The following MAGI1 variants were observed in gnomAD, a reference collection of about 807,000 sequenced individuals.
MAGI1 encodes the protein membrane associated guanylate kinase, WW and PDZ domain containing 1, also known as membrane-associated guanylate kinase, WW and PDZ domain-containing protein 1.
Under a neutral mutation model 139.9 loss-of-function variants are expected in MAGI1, and 58 were observed. That is an observed-to-expected ratio of 0.41 (90% CI 0.34 to 0.52). The LOEUF (loss-of-function observed/expected upper bound fraction) is 0.52, where lower values mean the gene tolerates loss of function less well. Among genes scored for constraint, MAGI1 ranks in the 20% least tolerant of loss-of-function variants. The probability of loss-of-function intolerance (pLI) is 0.12; values close to 1 mark genes in which losing one functional copy is unlikely to be tolerated. For synonymous variants in MAGI1, 812 were observed against 737.9 expected, an observed-to-expected ratio of 1.10 and a Z score of -1.63; for missense variants, 1,874 against 1,901.6, an observed-to-expected ratio of 0.99 and a Z score of 0.27.
At chr3:65,385,214 A>C (rs1436274099) in intron 14 of MAGI1, among the ~76,000 whole-genome samples, 1 of 152,206 alleles carries the variant, frequency 6.6e-6, no homozygotes, top group Non-Finnish European at 1.5e-5. Context: ...CTTACTATAC[A>C]TGAAATTGTT....
chr3:65,848,347 G>A (rs1352088788), intron 1 of MAGI1, among the ~76,000 whole-genome samples: 2 of 152,172 alleles, frequency 1.3e-5, no homozygotes, highest in African/African-American at 2.4e-5. Flanking sequence ...CTGGTTCTGA[G>A]CAGGCTTAAT....
intron 2 of MAGI1, among the ~76,000 whole-genome samples, chr3:65,577,665 G>C (rs915509636): frequency 6.6e-6 from 1 of 152,114 alleles, no homozygotes; most frequent in African/African-American, 2.4e-5. Context: ...TTTAGTGTTA[G>C]AACAGTGCTA....
chr3:65,456,818 GT>G (rs1217606089), intron 5 of MAGI1, among the ~76,000 whole-genome samples: 1 of 152,092 alleles, frequency 6.6e-6, no homozygotes, highest in Non-Finnish European at 1.5e-5. Flanking sequence ...AATTGCTTTT[GT>G]AAAAAATCAG....
intron 1 of MAGI1, among the ~76,000 whole-genome samples, chr3:65,692,086 AG>A (rs2088717464): frequency 6.6e-6 from 1 of 152,176 alleles, no homozygotes; most frequent in Non-Finnish European, 1.5e-5. Flanking sequence ...CAAGTAGACA[AG>A]TATAGGTATA....
intron 2 of MAGI1, among the ~76,000 whole-genome samples, chr3:65,589,821 T>C (rs1170942802): frequency 2.0e-5 from 3 of 149,648 alleles, no homozygotes; most frequent in African/African-American, 2.5e-5. Flanking sequence ...CTTTAGATGG[T>C]TGCCAGGGTG....
intron 1 of MAGI1, among the ~76,000 whole-genome samples, chr3:65,837,593 G>A (rs900044142): frequency 1.3e-5 from 2 of 152,140 alleles, no homozygotes; most frequent in African/African-American, 2.4e-5. Flanking sequence ...GGGGGCCAAC[G>A]TCCTGATGCT....
At chr3:65,656,795 C>T (rs142856644) in intron 1 of MAGI1, among the ~76,000 whole-genome samples, 2,623 of 151,852 alleles carry the variant, frequency 0.017, 77 homozygotes, top group African/African-American at 0.06. Flanking sequence ...GTCATGAGTT[C>T]GAGACCAGCT....
chr3:65,484,935 CT>C (rs1313991169), intron 3 of MAGI1, among the ~76,000 whole-genome samples: 3 of 152,156 alleles, frequency 2.0e-5, no homozygotes, highest in African/African-American at 7.2e-5. Context: ...AGACTATAAA[CT>C]CAAAGAGGCC....
chr3:66,038,484 T>C lies in MAGI1; in HGVS notation c.-176A>G. The C allele has an allele frequency of 9.0e-6, 8 of 888,844 alleles. No individual in the cohort carries two copies. Among genetic ancestry groups the C allele is most frequent in the Middle Eastern group, 3.6e-4 (1 of 2,746 alleles). 55.1% of individuals were successfully genotyped at this position (888,844 alleles called of 1,614,324 possible). A position where few individuals can be genotyped will look rare whatever the true frequency, so the allele number is the denominator to read the frequency against. On this transcript the variant is annotated 5_prime_UTR_variant, in exon 1 of 23. It removes an upstream start codon present in the reference 5' UTR. Coordinates refer to ENST00000402939, the MANE Select transcript of MAGI1 (RefSeq NM_001033057.2). Reference sequence around the variant, plus strand: ...ACACGCTCGCGCACTCAAGCCATCATAAAACAAACTTTCTGGGCTTCCCCG... The same window carrying C: ...ACACGCTCGCGCACTCAAGCCATCACAAAACAAACTTTCTGGGCTTCCCCG...
intron 1 of MAGI1, among the ~76,000 whole-genome samples, chr3:65,866,433 G>A (rs2108465558): frequency 6.6e-6 from 1 of 151,264 alleles, no homozygotes. Flanking sequence ...AAAGAAAAAG[G>A]AAAAGAAAAT....
At chr3:65,932,044 G>T (rs2106738931) in intron 1 of MAGI1, among the ~76,000 whole-genome samples, 1 of 152,162 alleles carries the variant, frequency 6.6e-6, no homozygotes, top group South Asian at 2.1e-4. Flanking sequence ...CCAAACACAT[G>T]GAAACAGGGG....
intron 1 of MAGI1, among the ~76,000 whole-genome samples, chr3:65,957,200 T>C (rs1238458661): frequency 6.6e-6 from 1 of 151,826 alleles, no homozygotes; most frequent in Non-Finnish European, 1.5e-5. Flanking sequence ...TGTAGATATA[T>C]GCATGCTATA....
At chr3:65,976,387 G>C (rs1360411371) in intron 1 of MAGI1, among the ~76,000 whole-genome samples, 2 of 152,096 alleles carry the variant, frequency 1.3e-5, no homozygotes, top group African/African-American at 4.8e-5. Context: ...CCAGCACTGT[G>C]GGGAGACGGA....
At chr3:65,781,577 T>A (rs1190951609) in intron 1 of MAGI1, among the ~76,000 whole-genome samples, 1 of 152,192 alleles carries the variant, frequency 6.6e-6, no homozygotes. Flanking sequence ...TTTAAAAAAT[T>A]ATTATACAAA....
chr3:65,927,177 ACTTT>A (rs1383147771), intron 1 of MAGI1, among the ~76,000 whole-genome samples: 1 of 152,156 alleles, frequency 6.6e-6, no homozygotes, highest in African/African-American at 2.4e-5. Flanking sequence ...TTATTTCTTT[ACTTT>A]CTTAATAAAC....
intron 5 of MAGI1, among the ~76,000 whole-genome samples, chr3:65,467,730 T>C (rs1950259145): frequency 6.6e-6 from 1 of 152,230 alleles, no homozygotes; most frequent in Non-Finnish European, 1.5e-5. Context: ...ACAAAATTAC[T>C]GGTACATTCT....
At chr3:65,696,697 T>C (rs987256681) in intron 1 of MAGI1, among the ~76,000 whole-genome samples, 3 of 152,000 alleles carry the variant, frequency 2.0e-5, no homozygotes, top group South Asian at 2.1e-4. Context: ...AAATAAAATA[T>C]ACATTTGGAT....
chr3:65,430,676 C>T, intron 11 of MAGI1, 23 bp downstream of exon 11: 1 of 1,611,128 alleles, frequency 6.2e-7, no homozygotes, highest in Non-Finnish European at 8.5e-7. Context: ...ACACAGAACA[C>T]ACTAAGGCCA....
chr3:65,839,857 T>C (rs915041724), intron 1 of MAGI1, among the ~76,000 whole-genome samples: 6 of 152,238 alleles, frequency 3.9e-5, no homozygotes, highest in Admixed American at 2.0e-4. Flanking sequence ...ATAGTCATGT[T>C]GTAAAGCATC....
Sources: allele counts gnomAD v4.1 joint callset (sites outside exome capture counted in the v4.1 genomes callset), GRCh38; gene constraint gnomAD v4.1.1; transcripts MANE v1.5; gene names NCBI Gene and HGNC (gene_info 2026-07-23, HGNC 2026-07-21).